Variants in NTRK3 observed in about 807,000 individuals in gnomAD.
NTRK3 encodes the protein neurotrophic receptor tyrosine kinase 3.
A neutral mutation model predicts 91.7 loss-of-function variants in NTRK3; 24 were observed. The ratio of observed to expected loss-of-function variants is 0.26; its 90% CI spans 0.19 to 0.37. NTRK3 has a LOEUF of 0.37. NTRK3 is among the 10% of genes least tolerant of loss of function. NTRK3 has a pLI of 1.00. For synonymous variants in NTRK3, 483 were observed against 404.0 expected, an observed-to-expected ratio of 1.20 and a Z score of -2.34; for missense variants, 880 against 1,068.9, an observed-to-expected ratio of 0.82 and a Z score of 2.46.
At chr15:88,112,020 C>G (rs2051440755) in intron 13 of NTRK3, among the ~76,000 whole-genome samples, 1 of 151,914 alleles carries the variant, frequency 6.6e-6, no homozygotes, top group Non-Finnish European at 1.5e-5. Flanking sequence ...CATTCTCCTG[C>G]CTCAGCCTCC....
chr15:88,098,439 C>T (rs1318333884), intron 13 of NTRK3: 3 of 194,036 alleles, frequency 1.5e-5, no homozygotes, highest in Non-Finnish European at 2.1e-5. Flanking sequence ...TCTTTCAAGC[C>T]ACTCGTGGAG....
At chr15:88,136,764 G>T (rs752576084) in intron 7 of NTRK3, among the ~76,000 whole-genome samples, 155 bp from the exon 8 acceptor site, 1 of 152,156 alleles carries the variant, frequency 6.6e-6, no homozygotes, top group Non-Finnish European at 1.5e-5. Flanking sequence ...AATCCAAGAC[G>T]CTTTACATCA....
At chr15:87,880,158 T>C in intron 18 of NTRK3, 112 bp downstream of exon 19, 2 of 1,366,846 alleles carry the variant, frequency 1.5e-6, no homozygotes, top group Non-Finnish European at 2.1e-6. Flanking sequence ...CTGCATTCAC[T>C]CTGCTGGCTC....
intron 13 of NTRK3, among the ~76,000 whole-genome samples, chr15:88,066,989 A>G (rs1214799216): frequency 1.3e-5 from 2 of 152,150 alleles, no homozygotes; most frequent in Non-Finnish European, 1.5e-5. Flanking sequence ...AAAAGGCTCA[A>G]CCTTGCCACA....
exon 19 of NTRK3, chr15:87,861,045 C>T: frequency 8.8e-6 from 2 of 226,066 alleles, no homozygotes; most frequent in Non-Finnish European, 1.8e-5. Context: ...TTAGCTTGGC[C>T]TCAGAACAGG....
rs76989346 is a variant in NTRK3, at chr15:87,932,338, C to T, written c.1889+674G>A. On this transcript the variant is annotated intron_variant, in intron 16 of 18. Coordinates refer to ENST00000394480, the Ensembl canonical transcript of NTRK3. ...GCTTCCCTGTATGGTAAAAACTAGC[C>T]ACATGTGACTAACAAGTAGTTGAAA... Among the ~76,000 whole-genome samples the T allele has an allele frequency of 6.0e-3, 912 of 152,212 alleles. 14 individuals are homozygous for T. Among genetic ancestry groups the T allele is most frequent in the East Asian group, 0.034 (177 of 5,174 alleles).
At chr15:88,004,392 ACT>A (rs2052112709) in intron 14 of NTRK3, among the ~76,000 whole-genome samples, 1 of 152,134 alleles carries the variant, frequency 6.6e-6, no homozygotes, top group Non-Finnish European at 1.5e-5. Context: ...GGGCAGATAA[ACT>A]CTCATGTGGG....
chr15:88,004,407 A>G lies in NTRK3; in HGVS notation c.1585+28450T>C, dbSNP rs180809579. On this transcript the variant is annotated intron_variant, in intron 14 of 18. Coordinates refer to ENST00000394480, the Ensembl canonical transcript of NTRK3. ...GGGCAGATAAACTCTCATGTGGGCA[A>G]GAAAAGGGGAATGTTTTTCATCAAT... 1.8e-4 allele frequency among the ~76,000 whole-genome samples: 28 copies of G among 152,344 alleles called. No homozygotes were observed. The East Asian group carries it at 5.0e-3, about 27-fold the overall frequency.
At chr15:88,003,022 T>C (rs1024962243) in intron 14 of NTRK3, among the ~76,000 whole-genome samples, 1 of 152,248 alleles carries the variant, frequency 6.6e-6, no homozygotes, top group African/African-American at 2.4e-5. Context: ...TGCCAGCACA[T>C]GAATCTTTGG....
At chr15:88,211,634 T>C (rs189499567) in intron 3 of NTRK3, among the ~76,000 whole-genome samples, 1 of 152,256 alleles carries the variant, frequency 6.6e-6, no homozygotes, top group Non-Finnish European at 1.5e-5. Context: ...AAGGAGTATG[T>C]GTTAACAGGA....
At chr15:87,944,642 A>G (rs1238413770) in intron 14 of NTRK3, among the ~76,000 whole-genome samples, 1 of 152,188 alleles carries the variant, frequency 6.6e-6, no homozygotes, top group Admixed American at 6.5e-5. Flanking sequence ...AAAATGATCC[A>G]GTTCACAGAG....
At chr15:88,029,785 T>C (rs1234065557) in intron 14 of NTRK3, among the ~76,000 whole-genome samples, 3 of 152,234 alleles carry the variant, frequency 2.0e-5, no homozygotes, top group Non-Finnish European at 1.5e-5. Flanking sequence ...TTATTTATGA[T>C]AGTGGCTCAT....
At chr15:88,033,430 C>A (rs1029987605) in intron 13 of NTRK3, among the ~76,000 whole-genome samples, 4 of 151,538 alleles carry the variant, frequency 2.6e-5, no homozygotes, top group Admixed American at 6.6e-5. Flanking sequence ...CATGCCTCAG[C>A]CTCTCGAGTA....
chr15:87,975,429 C>T (rs888952758), intron 14 of NTRK3, among the ~76,000 whole-genome samples: 10 of 152,110 alleles, frequency 6.6e-5, no homozygotes, highest in Non-Finnish European at 1.3e-4. Flanking sequence ...AGCAAAATCC[C>T]GCAGGATCAA....
chr15:88,103,627 C>T (rs767415869), intron 13 of NTRK3, among the ~76,000 whole-genome samples: 8 of 152,096 alleles, frequency 5.3e-5, no homozygotes, highest in Non-Finnish European at 8.8e-5. Flanking sequence ...CCCATCTACC[C>T]GTGGTAGTCA....
At chr15:87,979,166 G>A (rs2073983474) in intron 14 of NTRK3, 1 of 652,386 alleles carries the variant, frequency 1.5e-6, no homozygotes, top group East Asian at 2.7e-5. Context: ...AACCCTGCCA[G>A]TGGTGGATGG....
At chr15:88,244,910 C>T (rs1157112617) in intron 3 of NTRK3, among the ~76,000 whole-genome samples, 1 of 152,210 alleles carries the variant, frequency 6.6e-6, no homozygotes, top group Non-Finnish European at 1.5e-5. Flanking sequence ...CTGCAAGAAG[C>T]TAGATGCTAC....
chr15:87,994,972 T>C (rs909732732), intron 14 of NTRK3, among the ~76,000 whole-genome samples: 1 of 152,206 alleles, frequency 6.6e-6, no homozygotes, highest in Non-Finnish European at 1.5e-5. Context: ...TAGACATGGA[T>C]AGATACTTAG....
intron 13 of NTRK3, among the ~76,000 whole-genome samples, chr15:88,096,556 C>T (rs1429134424): frequency 6.6e-6 from 1 of 152,206 alleles, no homozygotes; most frequent in East Asian, 1.9e-4. Context: ...AGCCTGCATC[C>T]TTTTTCTTTG....
Sources: gnomAD v4.1 joint callset for allele counts (sites outside exome capture counted in the v4.1 genomes callset) on GRCh38, gnomAD v4.1.1 for gene constraint, MANE v1.5 for transcripts, NCBI Gene and HGNC (gene_info 2026-07-23, HGNC 2026-07-21) for gene names.